Variants in GLRA3 observed in about 807,000 individuals in gnomAD.
GLRA3 encodes glycine receptor alpha 3.
Under a neutral mutation model 60.4 loss-of-function variants are expected in GLRA3, and 44 were observed. That is an observed-to-expected ratio of 0.73 (90% confidence interval 0.57 to 0.94). GLRA3 has a LOEUF of 0.94. Ranked by LOEUF, GLRA3 falls within the 40% of genes least tolerant of loss-of-function variation. The pLI, the probability that GLRA3 is intolerant of heterozygous loss-of-function variation, is 0.00. For synonymous variants in GLRA3, 223 were observed against 192.9 expected (o/e 1.16, Z -1.29); for missense variants, 508 against 564.6 (o/e 0.90, Z 1.02).
intron 7 of GLRA3, among the ~76,000 whole-genome samples, chr4:174,676,724 G>A (rs1734132700): frequency 6.6e-6 from 1 of 152,022 alleles, no homozygotes; most frequent in Non-Finnish European, 1.5e-5. Flanking sequence ...ATACAATGGA[G>A]TACTATGCCA....
chr4:174,683,075 T>C (rs532569743), intron 5 of GLRA3, 136 bp from the exon 6 acceptor site: 1 of 648,492 alleles, frequency 1.5e-6, no homozygotes, highest in African/African-American at 1.8e-5. Flanking sequence ...ATGGAGCTAT[T>C]CATTGCCCAA....
intron 2 of GLRA3, among the ~76,000 whole-genome samples, chr4:174,782,947 T>C (rs1738952159): frequency 6.6e-6 from 1 of 152,144 alleles, no homozygotes. Context: ...ATGACTTTCT[T>C]CACAGAATTG....
At chr4:174,818,684 G>C (rs1560818392) in intron 1 of GLRA3, among the ~76,000 whole-genome samples, 1 of 152,142 alleles carries the variant, frequency 6.6e-6, no homozygotes, top group African/African-American at 2.4e-5. Context: ...AAAGCAGAAG[G>C]AAGATTTCTA....
chr4:174,790,824 A>AC (rs1404592365), intron 1 of GLRA3, among the ~76,000 whole-genome samples: 2 of 110,928 alleles, frequency 1.8e-5, no homozygotes, highest in South Asian at 3.0e-4. Context: ...ACTAAAAAAT[A>AC]CAAAAAAAAA....
chr4:174,638,483 C>G lies in GLRA3; in HGVS notation c.*5303G>C, dbSNP rs1732554637. The G allele has an allele frequency of 6.6e-6, 1 of 152,076 alleles. No homozygotes were observed. Among genetic ancestry groups the G allele is most frequent in the African/African-American group, 2.4e-5 (1 of 41,414 alleles). The allele number at this position is 152,076 out of a possible 1,614,324, so 9.4% of individuals were successfully genotyped here. On this transcript the variant is annotated 3_prime_UTR_variant, in exon 10 of 10. Coordinates refer to ENST00000274093, the MANE Select transcript of GLRA3 (RefSeq NM_006529.4). ...CTAATTTTTGTATTTTTAGTAGAGA[C>G]AGGGTTTTATCATATTGGCCAGGCT...
chr4:174,767,452 C>T (rs1004567857), intron 2 of GLRA3, among the ~76,000 whole-genome samples: 6 of 152,020 alleles, frequency 3.9e-5, no homozygotes, highest in Admixed American at 3.3e-4. Flanking sequence ...AAAGTGGCAA[C>T]TCTGGAAACC....
chr4:174,658,156 TTATCTTTTGACAAA>T (rs1369165679), intron 8 of GLRA3, among the ~76,000 whole-genome samples: 1 of 152,188 alleles, frequency 6.6e-6, no homozygotes, highest in Non-Finnish European at 1.5e-5. Context: ...CCATTAAGGT[TTATCTTTTGACAAA>T]TATGCCAGGA....
intron 1 of GLRA3, among the ~76,000 whole-genome samples, chr4:174,807,415 G>T (rs1560810825): frequency 1.3e-5 from 2 of 151,950 alleles, no homozygotes; most frequent in East Asian, 3.8e-4. Flanking sequence ...CAGCAAACGA[G>T]AAATTCCTAC....
intron 2 of GLRA3, among the ~76,000 whole-genome samples, chr4:174,767,274 C>T (rs1738182717): frequency 6.6e-6 from 1 of 152,022 alleles, no homozygotes; most frequent in African/African-American, 2.4e-5. Flanking sequence ...TTTTTAAAAT[C>T]TAGATGTCTC....
intron 1 of GLRA3, among the ~76,000 whole-genome samples, chr4:174,804,485 G>T (rs1227435740): frequency 2.0e-5 from 3 of 152,124 alleles, no homozygotes; most frequent in Non-Finnish European, 4.4e-5. Flanking sequence ...AGCAGTAGGG[G>T]TGGAGAAGAG....
intron 4 of GLRA3, among the ~76,000 whole-genome samples, chr4:174,716,927 G>A (rs1053961421): frequency 3.9e-5 from 6 of 152,048 alleles, no homozygotes; most frequent in African/African-American, 1.2e-4. Context: ...TTAGCCAGGC[G>A]TGGTGTCTTA....
At chr4:174,661,941 C>A (rs1733463988) in intron 7 of GLRA3, among the ~76,000 whole-genome samples, 2 of 152,112 alleles carry the variant, frequency 1.3e-5, no homozygotes, top group African/African-American at 4.8e-5. Context: ...TTATACAGAC[C>A]TAAGTCCCTT....
At chr4:174,673,849 C>T (rs558206922) in intron 7 of GLRA3, among the ~76,000 whole-genome samples, 179 of 152,248 alleles carry the variant, frequency 1.2e-3, no homozygotes, top group African/African-American at 4.2e-3. Flanking sequence ...TTTCCCCTAA[C>T]CTTCCCTATT....
Position 174,642,451 on chromosome 4 carries a change from G to A in GLRA3, c.*1335C>T. ...TCCAAATAAATTTATGGTAAAAATA[G>A]TTAAAAAAATAGCAAAACTGAAAAA... On this transcript the variant is annotated 3_prime_UTR_variant, in exon 10 of 10. Coordinates refer to ENST00000274093, the MANE Select transcript of GLRA3 (RefSeq NM_006529.4). The A allele has an allele frequency of 1.0e-6, 1 of 976,596 alleles. No individual in the cohort carries two copies. The highest frequency in any genetic ancestry group is 1.2e-6 in the Non-Finnish European group (1 of 822,108). The allele number at this position is 976,596 out of a possible 1,614,324, so 60.5% of individuals were successfully genotyped here. A position where few individuals can be genotyped will look rare whatever the true frequency, so the allele number is the denominator to read the frequency against.
intron 5 of GLRA3, among the ~76,000 whole-genome samples, chr4:174,710,085 T>C (rs577541480): frequency 6.6e-6 from 1 of 152,108 alleles, no homozygotes; most frequent in East Asian, 1.9e-4. Flanking sequence ...TTCCTTATTG[T>C]CTTTCTCTGT....
chr4:174,661,230 CTCTA>C (rs1468197076), intron 7 of GLRA3, among the ~76,000 whole-genome samples: 2 of 152,102 alleles, frequency 1.3e-5, no homozygotes, highest in Non-Finnish European at 1.5e-5. Context: ...TCTGTATCAT[CTCTA>C]TCTATCCATC....
At chr4:174,787,037 T>TA (rs1483351869) in intron 2 of GLRA3, among the ~76,000 whole-genome samples, 1 of 152,134 alleles carries the variant, frequency 6.6e-6, no homozygotes, top group African/African-American at 2.4e-5. Flanking sequence ...TTCCTGATCT[T>TA]ACATATAAAT....
chr4:174,671,426 CT>C (rs1454373474), intron 7 of GLRA3, among the ~76,000 whole-genome samples: 2 of 152,066 alleles, frequency 1.3e-5, no homozygotes, highest in Non-Finnish European at 2.9e-5. Flanking sequence ...TGCTAATTAG[CT>C]ATGAACACAA....
Position 174,796,967 on chromosome 4 carries a change from A to G in GLRA3, c.72-8024T>C, listed in dbSNP as rs920878819. ...TATCTGAGCCTTGTACCATGTGAAC[A>G]TTAGCAGACAGCCCTTAGAAAACTA... is the stretch of plus-strand genomic sequence containing the variant. On this transcript the variant is annotated intron_variant, in intron 1 of 9. Coordinates refer to ENST00000274093, the MANE Select transcript of GLRA3 (RefSeq NM_006529.4). 4.6e-5 allele frequency among the ~76,000 whole-genome samples: 7 copies of G among 152,294 alleles called. No homozygotes were observed. The East Asian group carries it at 1.2e-3, about 25-fold the overall frequency.
Sources: allele counts gnomAD v4.1 joint callset (sites outside exome capture counted in the v4.1 genomes callset), GRCh38; gene constraint gnomAD v4.1.1; transcripts MANE v1.5; gene names NCBI Gene and HGNC (gene_info 2026-07-23, HGNC 2026-07-21).